The following NFIB variants were observed in gnomAD, a reference collection of about 807,000 sequenced individuals.
The protein encoded by NFIB is nuclear factor I B, also known as nuclear factor 1 B-type.
A neutral mutation model predicts 61.5 loss-of-function variants in NFIB; 11 were observed. That is an observed-to-expected ratio of 0.18 (90% CI 0.11 to 0.30). The LOEUF (loss-of-function observed/expected upper bound fraction) is 0.30, where lower values mean the gene tolerates loss of function less well. Ranked by LOEUF, NFIB falls within the 10% of genes least tolerant of loss-of-function variation. The probability of loss-of-function intolerance (pLI) is 1.00; values close to 1 mark genes in which losing one functional copy is unlikely to be tolerated. For synonymous variants in NFIB, 260 were observed against 216.5 expected, an observed-to-expected ratio of 1.20 and a Z score of -1.76; for missense variants, 471 against 608.9, an observed-to-expected ratio of 0.77 and a Z score of 2.38.
chr9:14,414,829 A>G, the NFIB span, among the ~76,000 whole-genome samples: 1 of 152,200 alleles, frequency 6.6e-6, no homozygotes, highest in East Asian at 1.9e-4. Flanking sequence ...ATTGAGCCTG[A>G]CACTTAGGCT....
chr9:14,128,879 G>C (rs528837753), intron 6 of NFIB, among the ~76,000 whole-genome samples: 60 of 152,056 alleles, frequency 3.9e-4, no homozygotes, highest in Admixed American at 3.3e-3. Flanking sequence ...CATAAATCAA[G>C]GGTGTTTATA....
At chr9:14,315,459 C>A (rs2060498605), upstream of NFIB, among the ~76,000 whole-genome samples, 1 of 148,382 alleles carries the variant, frequency 6.7e-6, no homozygotes, top group Non-Finnish European at 1.5e-5. Flanking sequence ...TCCCCACCCC[C>A]CGGGGCCCGG....
the NFIB span, among the ~76,000 whole-genome samples, chr9:14,433,962 G>A: frequency 5.9e-5 from 9 of 152,160 alleles, no homozygotes; most frequent in South Asian, 4.1e-4. Flanking sequence ...GATTCGAACC[G>A]AGGTTGCTGC....
At chr9:14,381,962 C>T (rs1197569238) in intron 1 of NFIB, among the ~76,000 whole-genome samples, 1 of 151,704 alleles carries the variant, frequency 6.6e-6, no homozygotes. Flanking sequence ...AAGCACCAGC[C>T]TTTCAGGTCT....
intron 1 of NFIB, among the ~76,000 whole-genome samples, chr9:14,348,220 A>C (rs891688577): frequency 6.6e-6 from 1 of 152,142 alleles, no homozygotes; most frequent in Non-Finnish European, 1.5e-5. Flanking sequence ...TAATTCAATT[A>C]TATCATACAA....
At chr9:14,459,355 CA>C in the NFIB span, among the ~76,000 whole-genome samples, 1 of 152,276 alleles carries the variant, frequency 6.6e-6, no homozygotes, top group Non-Finnish European at 1.5e-5. Flanking sequence ...ACACCTTACA[CA>C]AAAACTAATT....
chr9:14,213,202 C>T (rs2050493346), intron 2 of NFIB, among the ~76,000 whole-genome samples: 1 of 152,152 alleles, frequency 6.6e-6, no homozygotes, highest in South Asian at 2.1e-4. Context: ...AAAGACTGGG[C>T]ACAGTCAGGT....
rs57012912 is a variant in NFIB, at chr9:14,131,189, C to T, written c.926-5423G>A. Among the ~76,000 whole-genome samples the T allele has an allele frequency of 1.4e-3, 207 of 152,174 alleles. 1 individual carries two copies. The highest frequency in any genetic ancestry group is 4.7e-3 in the African/African-American group (196 of 41,516). On this transcript the variant is annotated intron_variant, in intron 6 of 10. Transcript: ENST00000380953. Reference sequence around the variant, plus strand: ...TTTACATTTATAACTGGAAAATTAGCTATGACTTTAGAAACTCATCGTGTA... The same window carrying T: ...TTTACATTTATAACTGGAAAATTAGTTATGACTTTAGAAACTCATCGTGTA...
chr9:14,441,381 A>G, the NFIB span, among the ~76,000 whole-genome samples: 1 of 152,170 alleles, frequency 6.6e-6, no homozygotes, highest in South Asian at 2.1e-4. Context: ...TGCATTTTTA[A>G]AATTCAGGAT....
intron 6 of NFIB, among the ~76,000 whole-genome samples, chr9:14,126,521 C>T (rs2039666388): frequency 6.6e-6 from 1 of 152,080 alleles, no homozygotes; most frequent in Admixed American, 6.5e-5. Flanking sequence ...CTCATTGGTG[C>T]CATTTTCAAA....
chr9:14,231,895 A>G (rs2131946908), intron 2 of NFIB, among the ~76,000 whole-genome samples: 1 of 152,340 alleles, frequency 6.6e-6, no homozygotes, highest in South Asian at 2.1e-4. Flanking sequence ...CAAGGAGGAA[A>G]AAAATCTCAT....
At chr9:14,494,359 AT>A in the NFIB span, among the ~76,000 whole-genome samples, 1 of 152,144 alleles carries the variant, frequency 6.6e-6, no homozygotes, top group African/African-American at 2.4e-5. Context: ...AGACTTCTTA[AT>A]TTCCCCTTTT....
At chr9:14,159,338 G>A (rs2043859454) in intron 3 of NFIB, among the ~76,000 whole-genome samples, 2 of 152,160 alleles carry the variant, frequency 1.3e-5, no homozygotes, top group African/African-American at 2.4e-5. Flanking sequence ...GAAAAGCATT[G>A]GAAATATATC....
the NFIB span, among the ~76,000 whole-genome samples, chr9:14,436,998 G>A: frequency 1.3e-5 from 2 of 152,194 alleles, no homozygotes; most frequent in Non-Finnish European, 2.9e-5. Context: ...ACGAGAGAGA[G>A]GGAGGAGAGA....
At position 14,219,557 on chromosome 9, in the gene NFIB, C is replaced by T. The variant is rs75849502; in HGVS notation, c.563-39777G>A. 6.9e-3 allele frequency among the ~76,000 whole-genome samples: 1,049 copies of T among 152,222 alleles called. 16 individuals are homozygous for T. The highest frequency in any genetic ancestry group is 0.024 in the African/African-American group (1,009 of 41,528). The stretch of plus-strand genomic sequence containing the variant: ...TACATTTGTTGCAAAAGAACAGATT[C>T]AAGCCAGGATTTTGTTCATTCACAT... On this transcript the variant is annotated intron_variant, in intron 2 of 10. Transcript: ENST00000380953.
chr9:14,424,317 C>T, the NFIB span, among the ~76,000 whole-genome samples: 1 of 152,166 alleles, frequency 6.6e-6, no homozygotes, highest in African/African-American at 2.4e-5. Flanking sequence ...TTGCTGTATT[C>T]TGCAGAACAC....
chr9:14,361,886 G>A (rs2061245628), intron 1 of NFIB: 1 of 152,144 alleles, frequency 6.6e-6, no homozygotes. Context: ...TAACAAAAAG[G>A]AGCTTTTAAA....
At chr9:14,350,660 A>G (rs141745120) in intron 1 of NFIB, among the ~76,000 whole-genome samples, 148 of 152,306 alleles carry the variant, frequency 9.7e-4, no homozygotes, top group African/African-American at 3.4e-3. Flanking sequence ...GCGCTGCCAG[A>G]TGATTCAGAG....
chr9:14,133,564 A>G (rs963743993), intron 6 of NFIB, among the ~76,000 whole-genome samples: 5 of 152,206 alleles, frequency 3.3e-5, no homozygotes, highest in Non-Finnish European at 7.3e-5. Flanking sequence ...TGAGACAAGG[A>G]AACAGTTTGG....
Sources: gnomAD v4.1 joint callset for allele counts (sites outside exome capture counted in the v4.1 genomes callset) on GRCh38, gnomAD v4.1.1 for gene constraint, MANE v1.5 for transcripts, NCBI Gene and HGNC (gene_info 2026-07-23, HGNC 2026-07-21) for gene names.